ZNF385D: variants seen among roughly 807,000 people sequenced by gnomAD.
ZNF385D encodes the protein zinc finger protein 385D.
In ZNF385D, 15 loss-of-function variants were observed where a neutral mutation model predicts 35.8. The observed-to-expected ratio is 0.42, with a 90% confidence interval of 0.28 to 0.64. The LOEUF (loss-of-function observed/expected upper bound fraction) is 0.64, where lower values mean the gene tolerates loss of function less well. Ranked by LOEUF, ZNF385D falls within the 30% of genes least tolerant of loss-of-function variation. The probability of loss-of-function intolerance (pLI) is 0.23; values close to 1 mark genes in which losing one functional copy is unlikely to be tolerated. For synonymous variants in ZNF385D, 212 were observed against 186.8 expected (o/e 1.13, Z -1.10); for missense variants, 474 against 494.6 (o/e 0.96, Z 0.39).
At chr3:21,994,152 A>G (rs1266505709) in intron 3 of ZNF385D, among the ~76,000 whole-genome samples, 1 of 152,194 alleles carries the variant, frequency 6.6e-6, no homozygotes, top group Non-Finnish European at 1.5e-5. Context: ...TAAACAAACC[A>G]AACTTTGACT....
chr3:21,758,496 T>C (rs1405374376), intron 3 of ZNF385D, among the ~76,000 whole-genome samples: 1 of 152,066 alleles, frequency 6.6e-6, no homozygotes, highest in Non-Finnish European at 1.5e-5. Context: ...CAGTCAACCA[T>C]CAGGCAAGAG....
chr3:21,609,527 CT>C (rs1272533921), intron 2 of ZNF385D, among the ~76,000 whole-genome samples: 2 of 152,148 alleles, frequency 1.3e-5, no homozygotes, highest in Non-Finnish European at 2.9e-5. Flanking sequence ...CTAGACACCA[CT>C]ATTTTGACTA....
chr3:22,264,283 G>A (rs1432561732), intron 2 of ZNF385D, among the ~76,000 whole-genome samples: 1 of 152,026 alleles, frequency 6.6e-6, no homozygotes, highest in African/African-American at 2.4e-5. Context: ...ACTTTTCCTT[G>A]AATTAAAGGT....
chr3:21,822,951 T>C (rs1694367712), intron 3 of ZNF385D, among the ~76,000 whole-genome samples: 1 of 151,988 alleles, frequency 6.6e-6, no homozygotes, highest in Non-Finnish European at 1.5e-5. Context: ...GCAAATGAAT[T>C]ACTCAAAATT....
intron 2 of ZNF385D, among the ~76,000 whole-genome samples, chr3:22,225,577 A>G (rs1191587382): frequency 2.0e-5 from 3 of 152,128 alleles, no homozygotes; most frequent in Admixed American, 6.6e-5. Flanking sequence ...TGGCTCCCAG[A>G]GTTTCTTCAG....
intron 2 of ZNF385D, among the ~76,000 whole-genome samples, chr3:22,194,741 A>T (rs1444958921): frequency 1.3e-5 from 2 of 151,954 alleles, no homozygotes; most frequent in African/African-American, 4.8e-5. Flanking sequence ...TGTAGGTAGA[A>T]TAAAAAAGTG....
intron 5 of ZNF385D, among the ~76,000 whole-genome samples, chr3:21,432,913 C>T (rs113605340): frequency 4.5e-4 from 69 of 152,108 alleles, no homozygotes; most frequent in Non-Finnish European, 2.4e-4. Flanking sequence ...AAAGGGAAAG[C>T]GAATGAAAGA....
At chr3:21,573,312 A>G (rs748880514) in intron 2 of ZNF385D, among the ~76,000 whole-genome samples, 1 of 152,224 alleles carries the variant, frequency 6.6e-6, no homozygotes, top group Non-Finnish European at 1.5e-5. Context: ...TGGCCAGTAA[A>G]AATACAAAAT....
At chr3:22,038,148 C>G (rs1334686764) in intron 3 of ZNF385D, among the ~76,000 whole-genome samples, 1 of 152,090 alleles carries the variant, frequency 6.6e-6, no homozygotes, top group Non-Finnish European at 1.5e-5. Flanking sequence ...TGGCACCAAC[C>G]TAGAGCAAAT....
chr3:21,532,772 G>A (rs183040980), intron 3 of ZNF385D, among the ~76,000 whole-genome samples: 1 of 151,416 alleles, frequency 6.6e-6, no homozygotes, highest in East Asian at 1.9e-4. Context: ...AGCATATATA[G>A]AGTTCATTCA....
chr3:22,081,877 T>C (rs973632786), intron 3 of ZNF385D, among the ~76,000 whole-genome samples: 1 of 152,180 alleles, frequency 6.6e-6, no homozygotes, highest in Non-Finnish European at 1.5e-5. Context: ...TTGCTTGTTA[T>C]AGTATATAAA....
In ZNF385D at chr3:21,912,307, T is replaced by TAATACATTTAGCTTTACTTCATC. The variant is rs1553697788; in HGVS notation, c.326-247280_326-247279insGATGAAGTAAAGCTAAATGTATT. 6.0e-4 allele frequency among the ~76,000 whole-genome samples: 92 copies of TAATACATTTAGCTTTACTTCATC among 152,148 alleles called. 1 individual carries two copies. The highest frequency in any genetic ancestry group is 2.2e-3 in the African/African-American group (91 of 41,520). On this transcript the variant is annotated intron_variant, in intron 3 of 5. Coordinates refer to the ZNF385D transcript ENST00000494108. ...GTTTACCCATTTGTTGCAGTAGTTC[T>TAATACATTTAGCTTTACTTCATC]AATAAATTTAGCTTTACTTCATCAA...
At chr3:22,081,366 A>G (rs1700741682) in intron 3 of ZNF385D, among the ~76,000 whole-genome samples, 1 of 152,212 alleles carries the variant, frequency 6.6e-6, no homozygotes, top group East Asian at 1.9e-4. Flanking sequence ...CAAGCTGCTC[A>G]GCCTCCATGT....
At chr3:21,746,003 C>A (rs947663884) in intron 1 of ZNF385D, among the ~76,000 whole-genome samples, 2 of 152,178 alleles carry the variant, frequency 1.3e-5, no homozygotes, top group African/African-American at 4.8e-5. Context: ...AATGCTATGA[C>A]TGAAGTACAA....
chr3:22,082,507 C>G (rs7429340), intron 3 of ZNF385D, among the ~76,000 whole-genome samples: 18,502 of 152,102 alleles, frequency 0.12, 1,177 homozygotes, highest in East Asian at 0.15. Flanking sequence ...GGAGGGATGT[C>G]CACCATTGCT....
Position 22,123,262 on chromosome 3 carries a change from A to G in ZNF385D, c.325+45555T>C, listed in dbSNP as rs544514848. Among the ~76,000 whole-genome samples, 9 of 152,202 alleles carry G rather than the reference A, an allele frequency of 5.9e-5. No homozygotes were observed. The East Asian group carries it at 1.5e-3, about 26-fold the overall frequency. On this transcript the variant is annotated intron_variant, in intron 3 of 5. Coordinates refer to the ZNF385D transcript ENST00000494108. ...AGAAGGTAGGAGGAGTAGATCTTAAAGTGAGAAGTTCAAGAGTACAGTTTT... is the reference window on the plus strand; with the variant it reads ...AGAAGGTAGGAGGAGTAGATCTTAAGGTGAGAAGTTCAAGAGTACAGTTTT...
chr3:22,021,653 G>A (rs1470654882), intron 3 of ZNF385D, among the ~76,000 whole-genome samples: 1 of 152,062 alleles, frequency 6.6e-6, no homozygotes, highest in African/African-American at 2.4e-5. Flanking sequence ...ACAAGTTGAA[G>A]CAGAAAAAAT....
Position 21,730,034 on chromosome 3 carries a change from C to T in ZNF385D, c.22+20861G>A, listed in dbSNP as rs1423112668. On this transcript the variant is annotated intron_variant, in intron 1 of 7. Transcript: ENST00000281523. ...GAATGCTACCATCTAACTTTGTTTT[C>T]CTAGTGCAACTAACGTTGGATTATA... is the stretch of plus-strand genomic sequence containing the variant. Among the ~76,000 whole-genome samples the T allele has an allele frequency of 4.6e-5, 7 of 152,292 alleles. No homozygotes were observed. The East Asian group carries it at 1.4e-3, about 29-fold the overall frequency.
chr3:21,950,977 C>T (rs997368123), intron 3 of ZNF385D, among the ~76,000 whole-genome samples: 4 of 151,620 alleles, frequency 2.6e-5, no homozygotes, highest in Non-Finnish European at 4.4e-5. Context: ...AGTCAGGTAG[C>T]ATGATGCCTC....
Sources: gnomAD v4.1 joint callset for allele counts (sites outside exome capture counted in the v4.1 genomes callset) on GRCh38, gnomAD v4.1.1 for gene constraint, MANE v1.5 for transcripts, NCBI Gene and HGNC (gene_info 2026-07-23, HGNC 2026-07-21) for gene names.